RILPL2: variants seen among roughly 807,000 people sequenced by gnomAD.
RILPL2 encodes Rab interacting lysosomal protein like 2, also known as RILP-like protein 2.
A neutral mutation model predicts 22.2 loss-of-function variants in RILPL2; 19 were observed. The observed-to-expected ratio is 0.86, with a 90% CI of 0.60 to 1.25. The LOEUF (loss-of-function observed/expected upper bound fraction) is 1.25. Ranked by LOEUF, RILPL2 falls within the 50% of genes most tolerant of loss-of-function variation. RILPL2 has a pLI of 0.00. For missense variants in RILPL2, 243 were observed against 263.6 expected (o/e 0.92, Z 0.54); for synonymous variants, 123 against 111.6 (o/e 1.10, Z -0.64).
intron 3 of RILPL2, among the ~76,000 whole-genome samples, chr12:123,421,617 T>C (rs1879284580): frequency 6.7e-6 from 1 of 150,296 alleles, no homozygotes; most frequent in East Asian, 2.0e-4. Flanking sequence ...CTGCCCCTGC[T>C]CCCTTCCAAG....
intron 2 of RILPL2, among the ~76,000 whole-genome samples, chr12:123,423,943 G>A (rs749830466): frequency 1.3e-5 from 2 of 151,862 alleles, no homozygotes; most frequent in South Asian, 2.1e-4. Flanking sequence ...GTGAGCCACC[G>A]TGCCTGACCC....
chr12:123,433,863 C>T (rs1480040956), intron 1 of RILPL2, among the ~76,000 whole-genome samples: 1 of 152,152 alleles, frequency 6.6e-6, no homozygotes, highest in Non-Finnish European at 1.5e-5. Context: ...AATGTTAGTA[C>T]AAGTAAGGTC....
chr12:123,435,525 G>C (rs990452577), intron 1 of RILPL2, among the ~76,000 whole-genome samples: 1 of 152,100 alleles, frequency 6.6e-6, no homozygotes, highest in Non-Finnish European at 1.5e-5. Context: ...GATTCCTTGA[G>C]CTTAGGAGTT....
At chr12:123,430,334 G>A (rs987695278) in intron 2 of RILPL2, among the ~76,000 whole-genome samples, 174 bp downstream of exon 2, 48 of 151,470 alleles carry the variant, frequency 3.2e-4, no homozygotes, top group African/African-American at 4.9e-4. Flanking sequence ...GCGTGAACCC[G>A]GGAGGCAGAG....
At chr12:123,426,190 C>T (rs1459988170) in intron 2 of RILPL2, among the ~76,000 whole-genome samples, 1 of 152,074 alleles carries the variant, frequency 6.6e-6, no homozygotes. Context: ...ACTCTATCAC[C>T]CAGGCTGGAG....
intron 1 of RILPL2, among the ~76,000 whole-genome samples, chr12:123,434,245 C>T (rs1476221998): frequency 1.3e-5 from 2 of 151,746 alleles, no homozygotes; most frequent in East Asian, 3.9e-4. Context: ...ATGGTGAGAC[C>T]CCCATCTCTA....
rs553308790 is a variant in RILPL2 at position 123,430,671 on chromosome 12, G to A, written c.340-12C>T. 3 of 1,563,036 alleles carry A rather than the reference G, an allele frequency of 1.9e-6. No individual in the cohort carries two copies. Among genetic ancestry groups the A allele is most frequent in the African/African-American group, 2.8e-5 (2 of 72,628 alleles). ...GGGCCCAGGTTCACCTGGAAGAAAA[G>A]ACGCAACCTTTGCAAGCAACTCTAT... On this transcript the variant is annotated splice_polypyrimidine_tract_variant and intron_variant, in intron 1 of 3. Coordinates refer to ENST00000280571, the MANE Select transcript of RILPL2 (RefSeq NM_145058.3).
intron 2 of RILPL2, among the ~76,000 whole-genome samples, chr12:123,429,141 T>A (rs1270914790): frequency 6.6e-6 from 1 of 152,096 alleles, no homozygotes; most frequent in Non-Finnish European, 1.5e-5. Context: ...CAGTCTTTTT[T>A]AACTTTCCTT....
Position 123,423,921 on chromosome 12 carries a change from G to A in RILPL2, c.492-764C>T, listed in dbSNP as rs1309468217. Among the ~76,000 whole-genome samples, 4 of 152,172 alleles carry A rather than the reference G, an allele frequency of 2.6e-5. No individual in the cohort carries two copies. In the South Asian group the frequency reaches 8.3e-4, roughly 32 times the overall value. ...GCCCGCCTCAGCCTCCCAAAGTGCT[G>A]GGATTACAGGTGTGAGCCACCGTGC... On this transcript the variant is annotated intron_variant, in intron 2 of 3. Coordinates refer to ENST00000280571, the MANE Select transcript of RILPL2 (RefSeq NM_145058.3).
intron 2 of RILPL2, 54 bp from the exon 3 acceptor site, chr12:123,423,211 T>C (rs1205830378): frequency 4.6e-6 from 6 of 1,311,824 alleles, no homozygotes; most frequent in South Asian, 1.3e-5. Context: ...TCGTTTTTTT[T>C]TTTTTTTTGA....
chr12:123,426,346 G>C (rs1026448978), intron 2 of RILPL2, among the ~76,000 whole-genome samples: 1 of 151,670 alleles, frequency 6.6e-6, no homozygotes, highest in African/African-American at 2.4e-5. Context: ...ACGGAGTTTT[G>C]CCATGTTGGC....
intron 3 of RILPL2, among the ~76,000 whole-genome samples, chr12:123,419,043 C>G (rs1301388606): frequency 7.2e-6 from 1 of 139,166 alleles, no homozygotes; most frequent in Non-Finnish European, 1.5e-5. Context: ...CGGAGTCTCG[C>G]TCTGTCACTC....
chr12:123,432,103 CCAGG>C (rs1241187090), intron 1 of RILPL2, among the ~76,000 whole-genome samples: 1 of 151,932 alleles, frequency 6.6e-6, no homozygotes, highest in Non-Finnish European at 1.5e-5. Flanking sequence ...ACCATGTTGG[CCAGG>C]CTGGTCTTGA....
At chr12:123,429,153 T>A (rs906237762) in intron 2 of RILPL2, among the ~76,000 whole-genome samples, 4 of 151,270 alleles carry the variant, frequency 2.6e-5, no homozygotes, top group African/African-American at 9.8e-5. Context: ...ACTTTCCTTA[T>A]TTTTTTTTAA....
intron 3 of RILPL2, among the ~76,000 whole-genome samples, chr12:123,416,843 C>G (rs138420584): frequency 6.6e-6 from 1 of 152,118 alleles, no homozygotes; most frequent in Admixed American, 6.6e-5. Flanking sequence ...CCTAAGCTCC[C>G]GTAGAAGGAC....
rs1395303776 is a variant in RILPL2, at chr12:123,430,620, C to A, written c.379G>T (p.Asp127Tyr). 6.2e-7 allele frequency: 1 copy of A among 1,608,278 alleles called. No individual in the cohort carries two copies. The highest frequency in any genetic ancestry group is 8.5e-7 in the Non-Finnish European group (1 of 1,176,388). Residue 127 changes from aspartate to tyrosine, a missense_variant, in exon 2 of 4, where the codon GAT becomes TAT. Coordinates refer to ENST00000280571, the MANE Select transcript of RILPL2 (RefSeq NM_145058.3). ...AGAGTGAAGCGGGGTCGGTTGGGAT[C>A]TGTCAGGTCAACCACCATTTTGTTT... is the stretch of plus-strand genomic sequence containing the variant. Reference protein sequence around the residue: ...GPNKMVVDLTDPNRPRFTLQE... With the variant: ...GPNKMVVDLTYPNRPRFTLQE...
chr12:123,414,836 C>G (rs898209380), downstream of RILPL2: 6 of 147,468 alleles, frequency 4.1e-5, no homozygotes, highest in African/African-American at 1.5e-4. Context: ...GAGGCTGAGG[C>G]AAGAGAATGG....
At chr12:123,418,032 C>G (rs545025484) in intron 3 of RILPL2, among the ~76,000 whole-genome samples, 1 of 152,270 alleles carries the variant, frequency 6.6e-6, no homozygotes, top group Admixed American at 6.5e-5. Context: ...TAGCCTGGAC[C>G]TCTTGTGCTC....
At chr12:123,430,323 G>A (rs1176285222) in intron 2 of RILPL2, among the ~76,000 whole-genome samples, 185 bp downstream of exon 2, 3 of 151,464 alleles carry the variant, frequency 2.0e-5, no homozygotes, top group East Asian at 3.9e-4. Context: ...GCAGGAGAAT[G>A]GCGTGAACCC....
Sources: gnomAD v4.1 joint callset for allele counts (sites outside exome capture counted in the v4.1 genomes callset) on GRCh38, gnomAD v4.1.1 for gene constraint, MANE v1.5 for transcripts, NCBI Gene and HGNC (gene_info 2026-07-23, HGNC 2026-07-21) for gene names.